UVRAG: variants seen among roughly 807,000 people sequenced by gnomAD.
The protein encoded by UVRAG is UV radiation resistance associated, also known as UV radiation resistance-associated gene protein.
In UVRAG, 19 loss-of-function variants were observed where a neutral mutation model predicts 78.0. The observed-to-expected ratio is 0.24, with a 90% CI of 0.17 to 0.36. UVRAG has a LOEUF of 0.36. Among genes scored for constraint, UVRAG ranks in the 10% least tolerant of loss-of-function variants. UVRAG has a pLI of 1.00. For missense variants in UVRAG, 740 were observed against 853.8 expected (o/e 0.87, Z 1.66); for synonymous variants, 323 against 324.6 (o/e 1.00, Z 0.05).
intron 13 of UVRAG, among the ~76,000 whole-genome samples, chr11:76,083,257 G>A (rs1951531499): frequency 6.6e-6 from 1 of 152,038 alleles, no homozygotes; most frequent in Admixed American, 6.5e-5. Flanking sequence ...TATTTTGGTG[G>A]ATGAGGAATT....
intron 1 of UVRAG, among the ~76,000 whole-genome samples, chr11:75,825,648 T>C (rs1488814884): frequency 1.3e-5 from 2 of 152,152 alleles, no homozygotes; most frequent in African/African-American, 4.8e-5. Flanking sequence ...CCTGAAGCCC[T>C]CTGAGGTGAA....
chr11:75,910,738 T>G (rs987282484), intron 5 of UVRAG, among the ~76,000 whole-genome samples: 17 of 152,242 alleles, frequency 1.1e-4, no homozygotes, highest in African/African-American at 3.9e-4. Context: ...GAACTCAGTC[T>G]CCTCTGCCTT....
rs112729259 is a variant in UVRAG at position 76,081,605 on chromosome 11, C to A, written c.1305+15817C>A. Among the ~76,000 whole-genome samples, 1,060 of 151,972 alleles carry A rather than the reference C, an allele frequency of 7.0e-3. 17 individuals are homozygous for A. The highest frequency in any genetic ancestry group is 0.024 in the African/African-American group (1,013 of 41,422). On this transcript the variant is annotated intron_variant, in intron 13 of 14. Coordinates refer to ENST00000356136, the MANE Select transcript of UVRAG (RefSeq NM_003369.4). ...ATTTCCTTCTAACAGTAATATTCTA[C>A]AATTTCTCCCAGTCTAGTTTTGAGC...
In UVRAG at chr11:75,870,146, C is replaced by CTA. The variant is rs146245646; in HGVS notation, c.270+8367_270+8368insAT. On this transcript the variant is annotated intron_variant, in intron 3 of 14. Coordinates refer to ENST00000356136, the MANE Select transcript of UVRAG (RefSeq NM_003369.4). ...ATAAAATCTTTGAATGTGTGGCAGG[C>CTA]TGTATCTGCCTGTATCTGAATGTAC... Among the ~76,000 whole-genome samples, 911 of 152,250 alleles carry CTA rather than the reference C, an allele frequency of 6.0e-3. 10 individuals carry two copies. Among genetic ancestry groups the CTA allele is most frequent in the African/African-American group, 0.021 (871 of 41,550 alleles).
chr11:76,119,115 G>A (rs1270950784), intron 14 of UVRAG, among the ~76,000 whole-genome samples: 2 of 151,834 alleles, frequency 1.3e-5, no homozygotes, highest in African/African-American at 4.8e-5. Flanking sequence ...ATCTAGCTTG[G>A]TGCCTACCGA....
chr11:75,836,979 C>T lies in UVRAG; in HGVS notation c.118-14904C>T, dbSNP rs140936020. Among the ~76,000 whole-genome samples, 26 of 152,248 alleles carry T rather than the reference C, an allele frequency of 1.7e-4. No individual in the cohort carries two copies. The East Asian group carries it at 5.0e-3, about 29-fold the overall frequency. On this transcript the variant is annotated intron_variant, in intron 1 of 14. Coordinates refer to ENST00000356136, the MANE Select transcript of UVRAG (RefSeq NM_003369.4). ...AATATAGTTCATCATCCCTCAGTAT[C>T]CTCAGGTGATTCACTCCAGGAACAG... is the stretch of plus-strand genomic sequence containing the variant.
intron 6 of UVRAG, chr11:75,942,400 C>T (rs1348590015): frequency 2.0e-5 from 3 of 152,336 alleles, no homozygotes; most frequent in Admixed American, 1.3e-4. Flanking sequence ...TCCCTGAAGT[C>T]CATGGTGGAA....
chr11:75,966,026 G>C (rs1195570513), intron 7 of UVRAG, among the ~76,000 whole-genome samples: 2 of 152,072 alleles, frequency 1.3e-5, no homozygotes, highest in African/African-American at 4.8e-5. Context: ...ATTAATTTTA[G>C]GAAGTTCCTC....
chr11:76,034,186 A>G (rs1422378478), intron 12 of UVRAG, among the ~76,000 whole-genome samples: 1 of 151,946 alleles, frequency 6.6e-6, no homozygotes, highest in Non-Finnish European at 1.5e-5. Context: ...ATTTCTGTGC[A>G]ACATTATTTT....
At chr11:76,004,176 G>A (rs1949879124) in intron 9 of UVRAG, 87 bp downstream of exon 9, 2 of 1,348,330 alleles carry the variant, frequency 1.5e-6, no homozygotes, top group African/African-American at 1.4e-5. Context: ...AAAGCTGCTG[G>A]TATTAATTTA....
At position 76,082,465 on chromosome 11, in the gene UVRAG, G is replaced by A. The variant is rs530760287; in HGVS notation, c.1305+16677G>A. On this transcript the variant is annotated intron_variant, in intron 13 of 14. Transcript: ENST00000356136. ...TGAGGCAGGAGAATGGCATGAACCCGGGAGGCGGAGCTTGCAGTGAGCGGA... is the reference window on the plus strand; with the variant it reads ...TGAGGCAGGAGAATGGCATGAACCCAGGAGGCGGAGCTTGCAGTGAGCGGA... Among the ~76,000 whole-genome samples, 16 of 150,936 alleles carry A rather than the reference G, an allele frequency of 1.1e-4. No homozygotes were observed. In the South Asian group the frequency reaches 2.5e-3, roughly 24 times the overall value.
intron 6 of UVRAG, among the ~76,000 whole-genome samples, chr11:75,921,947 G>A (rs768533775): frequency 6.6e-6 from 1 of 151,894 alleles, no homozygotes; most frequent in Non-Finnish European, 1.5e-5. Context: ...AACTACAGGG[G>A]ATTTTTTTGT....
At chr11:75,987,767 G>C (rs546296085) in intron 8 of UVRAG, among the ~76,000 whole-genome samples, 1 of 149,450 alleles carries the variant, frequency 6.7e-6, no homozygotes, top group African/African-American at 2.5e-5. Context: ...ATGGAGTTTC[G>C]CTCTTGTCTC....
intron 7 of UVRAG, among the ~76,000 whole-genome samples, chr11:75,974,368 T>C (rs1949189341): frequency 7.2e-6 from 1 of 139,780 alleles, no homozygotes; most frequent in Non-Finnish European, 1.5e-5. Flanking sequence ...TTTTTTTTTT[T>C]TTTTTTTTTG....
At chr11:75,966,181 C>T (rs762556587) in intron 7 of UVRAG, among the ~76,000 whole-genome samples, 35 of 151,938 alleles carry the variant, frequency 2.3e-4, no homozygotes, top group Non-Finnish European at 4.7e-4. Flanking sequence ...AAATGTTTAA[C>T]ATTGCATTTC....
chr11:75,924,624 G>A (rs1453244858), intron 6 of UVRAG, among the ~76,000 whole-genome samples: 1 of 151,906 alleles, frequency 6.6e-6, no homozygotes, highest in African/African-American at 2.4e-5. Context: ...TCCTGACCTC[G>A]TGATCCACCC....
rs181348748 is a variant in UVRAG, at chr11:76,076,987, A to T, written c.1305+11199A>T. Among the ~76,000 whole-genome samples the T allele has an allele frequency of 1.5e-3, 231 of 150,572 alleles. 1 individual carries two copies. Among genetic ancestry groups the T allele is most frequent in the African/African-American group, 5.3e-3 (217 of 41,092 alleles). ...AGCTGTGATTGTACCATTGCACTCCAGCCTGGGCGACATGGCAAACCCTGT... is the reference window on the plus strand; with the variant it reads ...AGCTGTGATTGTACCATTGCACTCCTGCCTGGGCGACATGGCAAACCCTGT... On this transcript the variant is annotated intron_variant, in intron 13 of 14. Coordinates refer to ENST00000356136, the MANE Select transcript of UVRAG (RefSeq NM_003369.4).
intron 14 of UVRAG, among the ~76,000 whole-genome samples, chr11:76,136,363 G>A (rs1414916501): frequency 6.6e-6 from 1 of 151,814 alleles, no homozygotes; most frequent in Non-Finnish European, 1.5e-5. Flanking sequence ...CAAAAGTAAG[G>A]GAATAATTAA....
At chr11:75,877,455 CG>C (rs941396447) in intron 3 of UVRAG, among the ~76,000 whole-genome samples, 13 of 150,686 alleles carry the variant, frequency 8.6e-5, no homozygotes, top group Non-Finnish European at 1.8e-4. Context: ...ACCTCCCGGA[CG>C]GGGGGTGACC....
Sources: gnomAD v4.1 joint callset for allele counts (sites outside exome capture counted in the v4.1 genomes callset) on GRCh38, gnomAD v4.1.1 for gene constraint, MANE v1.5 for transcripts, NCBI Gene and HGNC (gene_info 2026-07-23, HGNC 2026-07-21) for gene names.